Variants in CSMD1 observed in about 807,000 individuals in gnomAD.
CSMD1 encodes the protein CUB and Sushi multiple domains 1.
Under a neutral mutation model 417.5 loss-of-function variants are expected in CSMD1, and 213 were observed. The observed-to-expected ratio is 0.51, with a 90% CI of 0.46 to 0.57. The LOEUF (loss-of-function observed/expected upper bound fraction) is 0.57, where lower values mean the gene tolerates loss of function less well. Among genes scored for constraint, CSMD1 ranks in the 20% least tolerant of loss-of-function variants. The probability of loss-of-function intolerance (pLI) is 0.00; values close to 1 mark genes in which losing one functional copy is unlikely to be tolerated. For missense variants in CSMD1, 6,923 were observed against 4,529.7 expected (o/e 1.53, Z -15.17); for synonymous variants, 2,862 against 1,736.8 (o/e 1.65, Z -16.11).
At chr8:3,879,456 G>T (rs949788924) in intron 5 of CSMD1, among the ~76,000 whole-genome samples, 10 of 152,102 alleles carry the variant, frequency 6.6e-5, no homozygotes, top group African/African-American at 2.4e-4. Flanking sequence ...AATGTCCCAG[G>T]TTTTTGCTTC....
At chr8:3,679,131 G>A (rs920914638) in intron 7 of CSMD1, among the ~76,000 whole-genome samples, 2 of 152,032 alleles carry the variant, frequency 1.3e-5, no homozygotes, top group South Asian at 2.1e-4. Context: ...ATCAACTAAT[G>A]AGCACAATAA....
At chr8:4,510,683 T>TCTTCCTTCCCCTTTCC (rs1300258296) in intron 2 of CSMD1, among the ~76,000 whole-genome samples, 1 of 122,926 alleles carries the variant, frequency 8.1e-6, no homozygotes, top group African/African-American at 3.1e-5. Flanking sequence ...TTCCCTCCTC[T>TCTTCCTTCCCCTTTCC]CTTCCTTCCC....
chr8:4,706,690 T>C lies in CSMD1; in HGVS notation c.86-69132A>G, dbSNP rs142932506. ...TCATCAATGTGGCTGAAGTTAATAA[T>C]GGCATGAAAGTCCAAAAAACAAAAG... On this transcript the variant is annotated intron_variant, in intron 1 of 69. Transcript: ENST00000635120. 5.7e-4 allele frequency among the ~76,000 whole-genome samples: 87 copies of C among 152,230 alleles called. 1 individual carries two copies. In the East Asian group the frequency reaches 0.013, roughly 23 times the overall value.
At chr8:3,665,972 G>C (rs990868213) in intron 7 of CSMD1, among the ~76,000 whole-genome samples, 4 of 152,124 alleles carry the variant, frequency 2.6e-5, no homozygotes, top group African/African-American at 9.7e-5. Flanking sequence ...CCACCTGCCA[G>C]ATTCAAGTGA....
rs372384928 is a variant in CSMD1 at position 4,350,875 on chromosome 8, T to C, written c.415+69078A>G. Among the ~76,000 whole-genome samples, 11 of 152,324 alleles carry C rather than the reference T, an allele frequency of 7.2e-5. No homozygotes were observed. The East Asian group carries it at 2.1e-3, about 29-fold the overall frequency. ...TGCCAGTGGCTCTAGTTCCGGTGGATGGAGGGGAAAGGATGTGCATTCTAA... is the reference window on the plus strand; with the variant it reads ...TGCCAGTGGCTCTAGTTCCGGTGGACGGAGGGGAAAGGATGTGCATTCTAA... On this transcript the variant is annotated intron_variant, in intron 3 of 69. Coordinates refer to ENST00000635120, the MANE Select transcript of CSMD1 (RefSeq NM_033225.6).
At chr8:4,769,028 A>G (rs144265969) in intron 1 of CSMD1, among the ~76,000 whole-genome samples, 2 of 152,300 alleles carry the variant, frequency 1.3e-5, no homozygotes, top group African/African-American at 2.4e-5. Context: ...AAGGTACTAC[A>G]AAGCCATCTC....
intron 49 of CSMD1, among the ~76,000 whole-genome samples, chr8:3,057,310 C>T (rs1488668680): frequency 6.6e-6 from 1 of 151,988 alleles, no homozygotes; most frequent in Non-Finnish European, 1.5e-5. Flanking sequence ...CTTGCAAATA[C>T]AAATATGCAC....
intron 1 of CSMD1, among the ~76,000 whole-genome samples, chr8:4,686,606 G>C (rs1048347026): frequency 6.6e-6 from 1 of 152,216 alleles, no homozygotes; most frequent in African/African-American, 2.4e-5. Flanking sequence ...CTCACGTCCC[G>C]ACGTCTGGCT....
intron 7 of CSMD1, among the ~76,000 whole-genome samples, chr8:3,706,777 C>G (rs1801192415): frequency 6.8e-6 from 1 of 147,978 alleles, no homozygotes; most frequent in South Asian, 2.1e-4. Context: ...TTTCAAACTA[C>G]TGTAAATACT....
chr8:3,523,626 C>T lies in CSMD1; in HGVS notation c.1345-29900G>A, dbSNP rs180897755. 3.9e-5 allele frequency among the ~76,000 whole-genome samples: 6 copies of T among 152,068 alleles called. No homozygotes were observed. The East Asian group carries it at 5.8e-4, about 15-fold the overall frequency. On this transcript the variant is annotated intron_variant, in intron 10 of 69. Transcript: ENST00000635120. ...GTGCATGTACACACACACATGCATG[C>T]ACACCGAGACACGTGCACACACAGG...
At chr8:4,365,455 T>A (rs1466958266) in intron 3 of CSMD1, among the ~76,000 whole-genome samples, 1 of 152,208 alleles carries the variant, frequency 6.6e-6, no homozygotes, top group East Asian at 1.9e-4. Context: ...TCTTTTTAGA[T>A]TGTCTGTTCT....
At chr8:4,117,504 C>A (rs1802224197) in intron 3 of CSMD1, among the ~76,000 whole-genome samples, 1 of 152,138 alleles carries the variant, frequency 6.6e-6, no homozygotes, top group Admixed American at 6.5e-5. Flanking sequence ...AAATCATCTC[C>A]CTCCGACCAA....
intron 3 of CSMD1, among the ~76,000 whole-genome samples, chr8:4,082,238 A>C (rs1392500682): frequency 3.9e-5 from 6 of 152,200 alleles, no homozygotes; most frequent in African/African-American, 7.2e-5. Context: ...AAAATGGACA[A>C]AGTCCTAGAA....
At chr8:4,108,035 G>T (rs570376743) in intron 3 of CSMD1, among the ~76,000 whole-genome samples, 1 of 151,736 alleles carries the variant, frequency 6.6e-6, no homozygotes, top group African/African-American at 2.4e-5. Context: ...GAGAGAGAGA[G>T]AGAGAAAGAG....
intron 3 of CSMD1, among the ~76,000 whole-genome samples, chr8:4,168,391 ACT>A (rs1797576792): frequency 1.3e-5 from 2 of 150,830 alleles, no homozygotes; most frequent in African/African-American, 4.9e-5. Context: ...TGAGACCCTT[ACT>A]CTCTCTCTCA....
intron 3 of CSMD1, among the ~76,000 whole-genome samples, chr8:4,095,401 GA>G (rs148773073): frequency 7.3e-5 from 11 of 151,080 alleles, no homozygotes; most frequent in Admixed American, 2.6e-4. Context: ...AAGTAAAAAA[GA>G]AAAAAAAATG....
At chr8:4,455,016 G>C (rs915034125) in intron 2 of CSMD1, among the ~76,000 whole-genome samples, 2 of 149,746 alleles carry the variant, frequency 1.3e-5, no homozygotes, top group Non-Finnish European at 2.9e-5. Flanking sequence ...TGCTATCCCA[G>C]TGTGTCAGTC....
chr8:3,618,499 T>G (rs1802256626), intron 7 of CSMD1, among the ~76,000 whole-genome samples: 1 of 152,154 alleles, frequency 6.6e-6, no homozygotes, highest in Non-Finnish European at 1.5e-5. Context: ...TAAACATTAT[T>G]TTGCTGCATG....
intron 6 of CSMD1, among the ~76,000 whole-genome samples, chr8:3,743,346 G>C (rs2623718): frequency 2.0e-5 from 3 of 152,276 alleles, no homozygotes; most frequent in African/African-American, 7.2e-5. Context: ...TGCTGCTTTT[G>C]CTCTTTAGAA....
Sources: gnomAD v4.1 joint callset for allele counts (sites outside exome capture counted in the v4.1 genomes callset) on GRCh38, gnomAD v4.1.1 for gene constraint, MANE v1.5 for transcripts, NCBI Gene and HGNC (gene_info 2026-07-23, HGNC 2026-07-21) for gene names.